The following DISP1 variants were observed in gnomAD, a reference collection of about 807,000 sequenced individuals.
The protein encoded by DISP1 is dispatched RND transporter family member 1, also known as protein dispatched homolog 1.
A neutral mutation model predicts 37.3 loss-of-function variants in DISP1; 30 were observed. That is an observed-to-expected ratio of 0.80 (90% CI 0.60 to 1.09). The LOEUF is 1.09. Ranked by LOEUF, DISP1 falls within the 50% of genes least tolerant of loss-of-function variation. The pLI is 0.00. For synonymous variants in DISP1, 634 were observed against 690.2 expected (o/e 0.92, Z 1.28); for missense variants, 1,598 against 1,879.5 (o/e 0.85, Z 2.77).
rs1679591296 is a variant in DISP1 at position 223,003,041 on chromosome 1, A to G, written c.1644A>G (p.Val548=). The G allele has an allele frequency of 1.2e-6, 2 of 1,614,136 alleles. No homozygotes were observed. Among genetic ancestry groups the G allele is most frequent in the East Asian group, 4.5e-5 (2 of 44,888 alleles). The change falls in exon 9 of 9, where the codon GTA becomes GTG. Residue 548 remains valine, a synonymous_variant. Transcript: ENST00000675850. The surrounding 1 kb of genome is among the most constrained non-coding windows in gnomAD (Gnocchi z 4.3). ...TTGTTTCCTATTTTCTCTATCGTGT[A>G]GTATTTCACTTCGAATTTTTTCCTT... ...SLIVSYFLYR[V]VFHFEFFPFM...
At chr1:222,819,505 G>A in intron 1 of DISP1, among the ~76,000 whole-genome samples, 1 of 137,336 alleles carries the variant, frequency 7.3e-6, no homozygotes, top group African/African-American at 2.6e-5. Flanking sequence ...GTTTTAATAT[G>A]TTATATACAT....
intron 1 of DISP1, among the ~76,000 whole-genome samples, chr1:222,906,496 G>A (rs902119577): frequency 2.0e-5 from 3 of 152,168 alleles, no homozygotes; most frequent in African/African-American, 4.8e-5. Context: ...CAGGAGGTCC[G>A]CACAAGATAC....
intron 1 of DISP1, chr1:222,836,781 A>C (rs1168275132): frequency 1.2e-4 from 28 of 235,626 alleles, no homozygotes; most frequent in East Asian, 8.0e-5. Context: ...ACACACACAC[A>C]CCTATTGTTA....
At chr1:222,829,170 T>C (rs1490146109) in intron 1 of DISP1, among the ~76,000 whole-genome samples, 1 of 152,206 alleles carries the variant, frequency 6.6e-6, no homozygotes, top group Admixed American at 6.5e-5. Context: ...CTGAGAAAGA[T>C]CTTTTAATAG....
chr1:222,914,049 C>T (rs1456520303), intron 1 of DISP1, among the ~76,000 whole-genome samples: 3 of 142,414 alleles, frequency 2.1e-5, no homozygotes, highest in South Asian at 2.2e-4. Context: ...TTCTCTAATG[C>T]TAGGTGATCT....
At chr1:222,925,285 A>G (rs1251215536) in intron 1 of DISP1, among the ~76,000 whole-genome samples, 1 of 152,142 alleles carries the variant, frequency 6.6e-6, no homozygotes, top group Non-Finnish European at 1.5e-5. Context: ...TTGTGACACT[A>G]TATTTAATTT....
intron 1 of DISP1, among the ~76,000 whole-genome samples, chr1:222,815,569 T>A (rs2125099448): frequency 6.6e-6 from 1 of 152,242 alleles, no homozygotes; most frequent in East Asian, 1.9e-4. Context: ...ACCTATTGGA[T>A]GCTGAACTCC....
chr1:222,936,795 ATAT>A (rs1181863338), intron 2 of DISP1, among the ~76,000 whole-genome samples: 8 of 45,982 alleles, frequency 1.7e-4, no homozygotes, highest in African/African-American at 2.9e-4. Context: ...AATATATATA[ATAT>A]ATTATATATA....
intron 1 of DISP1, among the ~76,000 whole-genome samples, chr1:222,914,303 A>G (rs1481750537): frequency 2.0e-5 from 3 of 152,132 alleles, no homozygotes; most frequent in African/African-American, 7.2e-5. Context: ...CACCAAAGGG[A>G]TATTCATTTT....
chr1:222,906,195 C>T (rs1354857526), intron 1 of DISP1, among the ~76,000 whole-genome samples: 1 of 152,068 alleles, frequency 6.6e-6, no homozygotes, highest in Non-Finnish European at 1.5e-5. Context: ...TTATTAGACC[C>T]TTAGCTCTTT....
intron 1 of DISP1, among the ~76,000 whole-genome samples, chr1:222,884,532 T>G (rs1369222767): frequency 6.6e-6 from 1 of 152,166 alleles, no homozygotes; most frequent in Non-Finnish European, 1.5e-5. Flanking sequence ...AAAATGTTCC[T>G]CAATTTGGGT....
chr1:222,959,289 A>G (rs1471607202), intron 3 of DISP1, among the ~76,000 whole-genome samples: 1 of 152,234 alleles, frequency 6.6e-6, no homozygotes, highest in Non-Finnish European at 1.5e-5. Context: ...CCCTTACTAT[A>G]TGCCAGGCAT....
At chr1:222,971,039 T>A (rs1218624481) in intron 3 of DISP1, among the ~76,000 whole-genome samples, 1 of 152,158 alleles carries the variant, frequency 6.6e-6, no homozygotes, top group Non-Finnish European at 1.5e-5. Flanking sequence ...TAGTTGATTT[T>A]TTTTCTTTTC....
At chr1:222,979,640 G>A in intron 3 of DISP1, 1 of 471,110 alleles carries the variant, frequency 2.1e-6, no homozygotes, top group Non-Finnish European at 4.4e-6. Context: ...GAAAAACTAA[G>A]TGTGCTTCAT....
chr1:222,997,826 C>T (rs148986149), intron 8 of DISP1, among the ~76,000 whole-genome samples: 31 of 152,174 alleles, frequency 2.0e-4, no homozygotes, highest in Non-Finnish European at 2.6e-4. Flanking sequence ...AGCAGTATTG[C>T]GGTGCTCTTG....
chr1:222,952,829 G>A lies in DISP1; in HGVS notation c.509+9497G>A, dbSNP rs1367127231. Among the ~76,000 whole-genome samples the A allele has an allele frequency of 2.0e-5, 3 of 152,076 alleles. No homozygotes were observed. The East Asian group carries it at 5.8e-4, about 29-fold the overall frequency. On this transcript the variant is annotated intron_variant, in intron 3 of 8. Transcript: ENST00000675850. ...GCCACTGCACTCCAGCCTGGCGACAGAGGGAGACTGTCTAAAAACAAAACA... is the reference window on the plus strand; with the variant it reads ...GCCACTGCACTCCAGCCTGGCGACAAAGGGAGACTGTCTAAAAACAAAACA...
At chr1:222,950,650 C>T (rs578033474) in intron 3 of DISP1, among the ~76,000 whole-genome samples, 17 of 151,906 alleles carry the variant, frequency 1.1e-4, no homozygotes, top group African/African-American at 2.9e-4. Flanking sequence ...ATTGTGGGAG[C>T]GGAGGGTCAT....
intron 1 of DISP1, among the ~76,000 whole-genome samples, chr1:222,892,411 G>A (rs766175094): frequency 6.6e-6 from 1 of 152,166 alleles, no homozygotes; most frequent in Non-Finnish European, 1.5e-5. Context: ...ACGTAAGTAT[G>A]AATAAGCTTA....
At chr1:222,942,149 A>G (rs754300773) in intron 2 of DISP1, among the ~76,000 whole-genome samples, 1 of 152,086 alleles carries the variant, frequency 6.6e-6, no homozygotes, top group Non-Finnish European at 1.5e-5. Context: ...TCCCACCCAT[A>G]GTATTATTTT....
Sources: allele counts gnomAD v4.1 joint callset (sites outside exome capture counted in the v4.1 genomes callset), GRCh38; gene constraint gnomAD v4.1.1; non-coding constraint Gnocchi (gnomAD v3.1); transcripts MANE v1.5; gene names NCBI Gene and HGNC (gene_info 2026-07-23, HGNC 2026-07-21).